The following THSD7B variants were observed in gnomAD, a reference collection of about 807,000 sequenced individuals.
The protein encoded by THSD7B is thrombospondin type-1 domain-containing protein 7B.
A neutral mutation model predicts 213.6 loss-of-function variants in THSD7B; 138 were observed. The ratio of observed to expected loss-of-function variants is 0.65; its 90% CI spans 0.56 to 0.74. The LOEUF (loss-of-function observed/expected upper bound fraction) is 0.74, where lower values mean the gene tolerates loss of function less well. Ranked by LOEUF, THSD7B falls within the 30% of genes least tolerant of loss-of-function variation. The pLI is 0.00. For missense variants in THSD7B, 1,931 were observed against 1,991.5 expected, an observed-to-expected ratio of 0.97 and a Z score of 0.58; for synonymous variants, 742 against 687.0, an observed-to-expected ratio of 1.08 and a Z score of -1.25.
chr2:137,646,489 A>AG (rs1450179188), intron 21 of THSD7B, among the ~76,000 whole-genome samples: 3 of 145,914 alleles, frequency 2.1e-5, no homozygotes, highest in African/African-American at 7.5e-5. Flanking sequence ...TACAAATACA[A>AG]AAAAAAAAAA....
intron 12 of THSD7B, among the ~76,000 whole-genome samples, chr2:137,278,401 T>A (rs1226628279): frequency 6.6e-6 from 1 of 152,102 alleles, no homozygotes; most frequent in African/African-American, 2.4e-5. Context: ...CTTCTAAATG[T>A]GGAATGAGAA....
In THSD7B at chr2:137,143,179, G is replaced by A. The variant is rs1025875971; in HGVS notation, c.1370-17034G>A. On this transcript the variant is annotated intron_variant, in intron 5 of 27. Transcript: ENST00000409968. ...TGGCTTTTTCAGAATTTCTCAACAC[G>A]TGCCTGATCTTTTTCTTTTGTGAAT... 7.9e-5 allele frequency among the ~76,000 whole-genome samples: 12 copies of A among 152,028 alleles called. No homozygotes were observed. In the East Asian group the frequency reaches 1.9e-3, roughly 24 times the overall value.
At chr2:137,369,751 A>T (rs1685502707) in intron 12 of THSD7B, among the ~76,000 whole-genome samples, 1 of 152,168 alleles carries the variant, frequency 6.6e-6, no homozygotes, top group African/African-American at 2.4e-5. Flanking sequence ...CTATCAACAG[A>T]GTTTTCTCTG....
At chr2:137,189,444 T>C (rs1270578038) in intron 7 of THSD7B, among the ~76,000 whole-genome samples, 1 of 152,082 alleles carries the variant, frequency 6.6e-6, no homozygotes, top group East Asian at 1.9e-4. Flanking sequence ...CCCTGCTCTT[T>C]CTCAGGGCCT....
intron 12 of THSD7B, among the ~76,000 whole-genome samples, chr2:137,326,798 A>C (rs1684383916): frequency 6.6e-6 from 1 of 152,198 alleles, no homozygotes; most frequent in African/African-American, 2.4e-5. Context: ...ATATAATGTG[A>C]GTCCTTACAA....
intron 12 of THSD7B, among the ~76,000 whole-genome samples, chr2:137,312,182 G>A (rs1444364258): frequency 6.6e-6 from 1 of 152,094 alleles, no homozygotes; most frequent in African/African-American, 2.4e-5. Flanking sequence ...CACAATTTCA[G>A]CTCCTGTTAT....
intron 2 of THSD7B, among the ~76,000 whole-genome samples, chr2:136,963,530 G>C (rs2105088044): frequency 6.6e-6 from 1 of 152,232 alleles, no homozygotes; most frequent in Non-Finnish European, 1.5e-5. Flanking sequence ...TGAAGTCTTA[G>C]TTACTCAGGA....
intron 7 of THSD7B, among the ~76,000 whole-genome samples, chr2:137,195,055 A>T (rs1028909386): frequency 1.3e-5 from 2 of 152,066 alleles, no homozygotes; most frequent in African/African-American, 4.8e-5. Context: ...TGGGGTAAAT[A>T]TCTTTTAATC....
intron 14 of THSD7B, among the ~76,000 whole-genome samples, chr2:137,421,935 T>C (rs1356458169): frequency 6.6e-6 from 1 of 152,196 alleles, no homozygotes; most frequent in Non-Finnish European, 1.5e-5. Flanking sequence ...GCAAAATCTG[T>C]TTTACCTTAT....
chr2:136,775,072 A>G (rs1681575411), intron 1 of THSD7B, among the ~76,000 whole-genome samples: 1 of 152,142 alleles, frequency 6.6e-6, no homozygotes. Flanking sequence ...TGACATGCAC[A>G]TTCTCTGTAC....
chr2:137,533,780 G>A (rs563013373), intron 15 of THSD7B, among the ~76,000 whole-genome samples: 6 of 151,968 alleles, frequency 3.9e-5, no homozygotes, highest in East Asian at 2.0e-4. Flanking sequence ...AGTTGCATAT[G>A]ATTAAAAGGA....
chr2:137,674,509 G>T (rs1683651860), intron 27 of THSD7B, among the ~76,000 whole-genome samples: 1 of 152,084 alleles, frequency 6.6e-6, no homozygotes, highest in Admixed American at 6.5e-5. Context: ...GCTGTGGAAT[G>T]GTATACCCAG....
intron 9 of THSD7B, among the ~76,000 whole-genome samples, chr2:137,240,133 T>C (rs1256218622): frequency 6.6e-6 from 1 of 152,178 alleles, no homozygotes; most frequent in African/African-American, 2.4e-5. Flanking sequence ...AATGACTTTG[T>C]CTCTTATTTC....
At chr2:137,524,925 C>A (rs1680252192) in intron 15 of THSD7B, among the ~76,000 whole-genome samples, 1 of 152,204 alleles carries the variant, frequency 6.6e-6, no homozygotes, top group African/African-American at 2.4e-5. Context: ...CATTGCTTGG[C>A]ATTTTGCTAT....
intron 15 of THSD7B, among the ~76,000 whole-genome samples, chr2:137,517,506 C>T (rs1680093245): frequency 6.6e-6 from 1 of 152,166 alleles, no homozygotes; most frequent in Non-Finnish European, 1.5e-5. Flanking sequence ...CATTTGGTCC[C>T]TCCTACAACT....
At chr2:137,649,907 G>A (rs1683105808) in intron 21 of THSD7B, among the ~76,000 whole-genome samples, 1 of 151,910 alleles carries the variant, frequency 6.6e-6, no homozygotes, top group African/African-American at 2.4e-5. Flanking sequence ...ACCAGCTTGG[G>A]TAACATAGTG....
At chr2:137,063,589 C>T (rs1450957033) in intron 3 of THSD7B, among the ~76,000 whole-genome samples, 1 of 151,992 alleles carries the variant, frequency 6.6e-6, no homozygotes, top group South Asian at 2.1e-4. Context: ...TACTATATCA[C>T]TCTGTTTTGC....
chr2:136,833,425 T>G (rs1473034164), intron 1 of THSD7B, among the ~76,000 whole-genome samples: 9 of 65,820 alleles, frequency 1.4e-4, no homozygotes, highest in African/African-American at 4.3e-4. Context: ...AGATCTTGAT[T>G]ATTTTCTATT....
intron 17 of THSD7B, among the ~76,000 whole-genome samples, chr2:137,598,887 T>TTTA (rs1553462988): frequency 2.0e-5 from 3 of 151,100 alleles, no homozygotes; most frequent in Admixed American, 6.6e-5. Flanking sequence ...CTTTTTTTTT[T>TTTA]TTATTATTAT....
Sources: gnomAD v4.1 joint callset for allele counts (sites outside exome capture counted in the v4.1 genomes callset) on GRCh38, gnomAD v4.1.1 for gene constraint, MANE v1.5 for transcripts, NCBI Gene and HGNC (gene_info 2026-07-23, HGNC 2026-07-21) for gene names.